DOK6: variants seen among roughly 807,000 people sequenced by gnomAD.
DOK6 encodes the protein docking protein 6, also known as downstream of tyrosine kinase 6.
DOK6 carries 22 observed loss-of-function variants against 44.0 expected under a neutral mutation model. The observed-to-expected ratio is 0.50, with a 90% CI of 0.36 to 0.71. The LOEUF (loss-of-function observed/expected upper bound fraction) is 0.71, where lower values mean the gene tolerates loss of function less well. Ranked by LOEUF, DOK6 falls within the 30% of genes least tolerant of loss-of-function variation. The pLI is 0.00. For missense variants in DOK6, 340 were observed against 416.4 expected (o/e 0.82, Z 1.60); for synonymous variants, 166 against 145.5 (o/e 1.14, Z -1.01).
intron 7 of DOK6, among the ~76,000 whole-genome samples, chr18:69,773,612 A>G (rs528739818): frequency 5.9e-5 from 9 of 152,148 alleles, no homozygotes; most frequent in South Asian, 2.1e-4. Flanking sequence ...ACATAATTCA[A>G]TTTATGTGGA....
Position 69,564,643 on chromosome 18 carries a change from A to G in DOK6, c.174+49A>G, listed in dbSNP as rs1246523642. On this transcript the variant is annotated intron_variant, in intron 2 of 7. Transcript: ENST00000382713. ...CTGGGGAATAACTGGGCCCTTGAAG[A>G]CTTGTGGAGATATTTCTTTGATAAA... 7 of 1,412,640 alleles carry G rather than the reference A, an allele frequency of 5.0e-6. No individual in the cohort carries two copies. The East Asian group carries it at 1.2e-4, about 24-fold the overall frequency. 87.5% of individuals were successfully genotyped at this position (1,412,640 alleles called of 1,614,324 possible).
intron 7 of DOK6, among the ~76,000 whole-genome samples, chr18:69,799,401 A>G (rs926752785): frequency 6.6e-6 from 1 of 152,040 alleles, no homozygotes; most frequent in Non-Finnish European, 1.5e-5. Flanking sequence ...TCTTTAACCT[A>G]AAAACTAACA....
chr18:69,554,243 A>G (rs920503130), intron 1 of DOK6, among the ~76,000 whole-genome samples: 2 of 152,178 alleles, frequency 1.3e-5, no homozygotes, highest in Non-Finnish European at 2.9e-5. Flanking sequence ...GTTAGTAGCC[A>G]AAAAGAAACC....
At chr18:69,683,054 T>G (rs750210618) in intron 4 of DOK6, among the ~76,000 whole-genome samples, 3 of 152,156 alleles carry the variant, frequency 2.0e-5, no homozygotes, top group Non-Finnish European at 4.4e-5. Context: ...ACTAAGGATC[T>G]GGGGTAAACC....
chr18:69,668,326 G>A (rs915484519), intron 3 of DOK6, among the ~76,000 whole-genome samples: 2 of 150,984 alleles, frequency 1.3e-5, no homozygotes, highest in African/African-American at 2.4e-5. Context: ...CTCTTAATAC[G>A]TGTTCATTTG....
At chr18:69,522,886 CTTCT>C (rs1009785605) in intron 1 of DOK6, among the ~76,000 whole-genome samples, 2 of 152,180 alleles carry the variant, frequency 1.3e-5, no homozygotes, top group Admixed American at 1.3e-4. Context: ...AGTCTCCTTG[CTTCT>C]TTCTTACGAG....
chr18:69,416,114 G>A (rs934068794), intron 1 of DOK6, among the ~76,000 whole-genome samples: 5 of 142,692 alleles, frequency 3.5e-5, no homozygotes, highest in Non-Finnish European at 7.7e-5. Flanking sequence ...GAGAGGGATG[G>A]AGGGAGGGAC....
chr18:69,672,351 G>A (rs1189942696), intron 3 of DOK6, among the ~76,000 whole-genome samples: 1 of 141,290 alleles, frequency 7.1e-6, no homozygotes, highest in Admixed American at 6.8e-5. Context: ...TTGTTTGTTA[G>A]TTTGTTTGTT....
At chr18:69,592,105 C>A (rs1483350158) in intron 2 of DOK6, among the ~76,000 whole-genome samples, 1 of 151,854 alleles carries the variant, frequency 6.6e-6, no homozygotes, top group African/African-American at 2.4e-5. Flanking sequence ...ATTTTTTAAA[C>A]ACATAATAAA....
chr18:69,607,027 G>A lies in DOK6; in HGVS notation c.289+7529G>A, dbSNP rs569142601. Among the ~76,000 whole-genome samples, 3 of 152,246 alleles carry A rather than the reference G, an allele frequency of 2.0e-5. No homozygotes were observed. In the South Asian group the frequency reaches 6.2e-4, roughly 32 times the overall value. On this transcript the variant is annotated intron_variant, in intron 3 of 7. Transcript: ENST00000382713. ...CCCAGCACATGACAAAAGATTCCTG[G>A]GTCAGATACAATAATTTTTTTTTCC...
intron 1 of DOK6, among the ~76,000 whole-genome samples, chr18:69,429,687 T>C (rs1490028787): frequency 7.0e-6 from 1 of 143,272 alleles, no homozygotes; most frequent in Non-Finnish European, 1.5e-5. Context: ...ACTCAAGGTC[T>C]TCCTTTTCTT....
At chr18:69,803,233 G>A (rs1790584) in intron 7 of DOK6, among the ~76,000 whole-genome samples, 65,673 of 151,828 alleles carry the variant, frequency 0.43, 15,538 homozygotes, top group East Asian at 0.58. Context: ...ATTTCTAAAC[G>A]TAAATCTGGT....
chr18:69,672,346 T>A (rs116120111), intron 3 of DOK6, among the ~76,000 whole-genome samples: 1,615 of 151,778 alleles, frequency 0.011, 33 homozygotes, highest in African/African-American at 0.037. Flanking sequence ...TGGTTTTGTT[T>A]GTTAGTTTGT....
Position 69,757,834 on chromosome 18 carries a change from A to G in DOK6, c.817A>G (p.Thr273Ala), listed in dbSNP as rs1201402338. The G allele has an allele frequency of 1.2e-6, 2 of 1,613,984 alleles. No homozygotes were observed. Among genetic ancestry groups the G allele is most frequent in the Non-Finnish European group, 1.7e-6 (2 of 1,179,996 alleles). The change falls in exon 7 of 8, where the codon ACT (threonine) becomes GCT (alanine). Residue 273 changes from threonine to alanine, a missense_variant. Physicochemically the swap from Thr to Ala is moderately conservative, Grantham distance 58. Transcript: ENST00000382713. ...LPRSAYWHHI[T>A]RQNSVGEIYS... ...TCGCAGCGCGTACTGGCATCACATCACTCGTCAGAACAGCGTTGGTGAAAT... is the reference window on the plus strand; with the variant it reads ...TCGCAGCGCGTACTGGCATCACATCGCTCGTCAGAACAGCGTTGGTGAAAT...
intron 7 of DOK6, among the ~76,000 whole-genome samples, chr18:69,826,403 T>A (rs1439239859): frequency 6.6e-6 from 1 of 152,160 alleles, no homozygotes; most frequent in East Asian, 1.9e-4. Flanking sequence ...ATATGAAAAA[T>A]AATTCATAAA....
At chr18:69,424,928 C>T (rs1978595800) in intron 1 of DOK6, among the ~76,000 whole-genome samples, 3 of 152,096 alleles carry the variant, frequency 2.0e-5, no homozygotes, top group Non-Finnish European at 4.4e-5. Flanking sequence ...AATAGAGCAA[C>T]ATGGGCAGGA....
intron 1 of DOK6, among the ~76,000 whole-genome samples, chr18:69,512,610 C>T (rs1295790078): frequency 1.3e-5 from 2 of 152,076 alleles, no homozygotes; most frequent in African/African-American, 2.4e-5. Context: ...TCCAAAAGTG[C>T]TGGGATTACA....
At chr18:69,600,394 G>A (rs916771227) in intron 3 of DOK6, among the ~76,000 whole-genome samples, 1 of 151,996 alleles carries the variant, frequency 6.6e-6, no homozygotes, top group African/African-American at 2.4e-5. Flanking sequence ...ATTTATCTCC[G>A]TGTTCCTCTT....
chr18:69,506,010 G>C (rs914708578), intron 1 of DOK6, among the ~76,000 whole-genome samples: 2 of 151,890 alleles, frequency 1.3e-5, no homozygotes, highest in Middle Eastern at 3.2e-3. Flanking sequence ...CAGTGTGACA[G>C]TTCCATGAAA....
Sources: gnomAD v4.1 joint callset for allele counts (sites outside exome capture counted in the v4.1 genomes callset) on GRCh38, gnomAD v4.1.1 for gene constraint, MANE v1.5 for transcripts, NCBI Gene and HGNC (gene_info 2026-07-23, HGNC 2026-07-21) for gene names.